KBTBD8: variants seen among roughly 807,000 people sequenced by gnomAD.
The protein encoded by KBTBD8 is kelch repeat and BTB domain containing 8.
KBTBD8 carries 31 observed loss-of-function variants against 53.5 expected under a neutral mutation model. The ratio of observed to expected loss-of-function variants is 0.58; its 90% CI spans 0.44 to 0.78. The LOEUF is 0.78. Among genes scored for constraint, KBTBD8 ranks in the 30% least tolerant of loss-of-function variants. The pLI, the probability that KBTBD8 is intolerant of heterozygous loss-of-function variation, is 0.00. For synonymous variants in KBTBD8, 250 were observed against 247.3 expected (o/e 1.01, Z -0.10); for missense variants, 642 against 735.8 (o/e 0.87, Z 1.48).
chr3:66,999,603 G>A (rs11916080), intron 2 of KBTBD8, among the ~76,000 whole-genome samples: 3,195 of 152,330 alleles, frequency 0.021, 109 homozygotes, highest in African/African-American at 0.073. Flanking sequence ...ATATTGGGCA[G>A]CACAGAAATA....
intron 2 of KBTBD8, among the ~76,000 whole-genome samples, chr3:67,002,512 C>CTTTTTTTTTTTTTTTTTTTTTTTTTTTTT (rs57174511): frequency 1.1e-5 from 1 of 90,368 alleles, no homozygotes. Flanking sequence ...TATAGGTATT[C>CTTTTTTTTTTTTTTTTTTTTTTTTTTTTT]TTTTTTTTTT....
rs62259072 is a variant in KBTBD8 at position 67,007,922 on chromosome 3, G to A, written c.1343G>A (p.Gly448Glu). The A allele has an allele frequency of 6.3e-6, 9 of 1,424,100 alleles. No homozygotes were observed. Among genetic ancestry groups the A allele is most frequent in the South Asian group, 3.0e-5 (2 of 65,896 alleles). The allele number at this position is 1,424,100 out of a possible 1,614,324, so 88.2% of individuals were successfully genotyped here. A position where few individuals can be genotyped will look rare whatever the true frequency, so the allele number is the denominator to read the frequency against. The stretch of plus-strand genomic sequence containing the variant: ...CTTGTTTTCTTTTTTTTTTTTTTAG[G>A]AGAATTTTTTCTCTTCTATGAGCCT... ...EYKEKIYVLQ[G>E]EFFLFYEPQK... Residue 448 changes from glycine (G) to glutamate (E), a missense_variant and splice_region_variant, in exon 4 of 4, where the codon GGA (glycine) becomes GAA (glutamate). Coordinates refer to ENST00000417314, the MANE Select transcript of KBTBD8 (RefSeq NM_032505.3).
At chr3:67,002,606 G>A (rs1015147998) in intron 2 of KBTBD8, among the ~76,000 whole-genome samples, 4 of 140,888 alleles carry the variant, frequency 2.8e-5, no homozygotes, top group East Asian at 2.2e-4. Context: ...GGGTTCAAGC[G>A]ATTCTCCTGC....
chr3:66,998,807 C>G (rs1196074737), intron 1 of KBTBD8, 174 bp from the exon 2 acceptor site: 4 of 621,266 alleles, frequency 6.4e-6, no homozygotes, highest in African/African-American at 3.7e-5. Flanking sequence ...GCTCCGCCCT[C>G]TGTCTCCCAG....
At chr3:67,004,428 C>T in intron 3 of KBTBD8, 119 bp downstream of exon 3, 1 of 925,112 alleles carries the variant, frequency 1.1e-6, no homozygotes, top group East Asian at 2.4e-5. Flanking sequence ...GCTTCCTTAT[C>T]AAACTATTGG....
Position 67,008,453 on chromosome 3 carries a change from G to T in KBTBD8, c.*68G>T, listed in dbSNP as rs1182415025. On this transcript the variant is annotated 3_prime_UTR_variant, in exon 4 of 4. Coordinates refer to ENST00000417314, the MANE Select transcript of KBTBD8 (RefSeq NM_032505.3). Reference sequence around the variant, plus strand: ...GGAAACTTGTCTTTGATACAAAAGAGTGCTGACAGTATTTCAGAAAGCTGA... The same window carrying T: ...GGAAACTTGTCTTTGATACAAAAGATTGCTGACAGTATTTCAGAAAGCTGA... 1 of 1,084,880 alleles carries T rather than the reference G, an allele frequency of 9.2e-7. No homozygotes were observed. Among genetic ancestry groups the T allele is most frequent in the Non-Finnish European group, 1.3e-6 (1 of 752,244 alleles). The allele number at this position is 1,084,880 out of a possible 1,614,324, so 67.2% of individuals were successfully genotyped here.
intron 2 of KBTBD8, among the ~76,000 whole-genome samples, chr3:67,000,809 CATACTTATGTATGCTTACTAAGT>C (rs1559555895): frequency 6.6e-6 from 1 of 151,920 alleles, no homozygotes; most frequent in African/African-American, 2.4e-5. Flanking sequence ...ATTTAAATGT[CATACTTATGTATGCTTACTAAGT>C]ATACTTATTA....
In KBTBD8 at chr3:67,002,512, C is replaced by CTTTTT. The variant is rs57174511; in HGVS notation, c.228-665_228-661dup. Among the ~76,000 whole-genome samples, 469 of 90,352 alleles carry CTTTTT rather than the reference C, an allele frequency of 5.2e-3. 10 individuals are homozygous for CTTTTT. Among genetic ancestry groups the CTTTTT allele is most frequent in the Non-Finnish European group, 5.8e-3 (289 of 50,074 alleles). 59.3% of individuals were successfully genotyped at this position (90,352 alleles called of 152,430 possible). On this transcript the variant is annotated intron_variant, in intron 2 of 3. Transcript: ENST00000417314. ...TCATGTTGATACCTTTATAGGTATT[C>CTTTTT]TTTTTTTTTTTTTTTTTTTTTTGAG...
chr3:66,998,324 T>C lies in KBTBD8; in HGVS notation c.-32T>C. The C allele has an allele frequency of 7.7e-7, 1 of 1,298,240 alleles. No individual in the cohort carries two copies. Among genetic ancestry groups the C allele is most frequent in the Non-Finnish European group, 9.8e-7 (1 of 1,015,314 alleles). 80.4% of individuals were successfully genotyped at this position (1,298,240 alleles called of 1,614,324 possible). A position where few individuals can be genotyped will look rare whatever the true frequency, so the allele number is the denominator to read the frequency against. On this transcript the variant is annotated 5_prime_UTR_variant, in exon 1 of 4. Transcript: ENST00000417314. ...AGAGAAGCGAAATGACATTTCCTTT[T>C]TAAATAGCTGGAGTCGGGGCCCCAT...
rs1702041585 is a variant in KBTBD8, at chr3:67,003,996, C to T, written c.1029C>T (p.Tyr343=). The part of the protein sequence containing the change: ...PDNDIYIAGG[Y]RPSSSEVSID... The stretch of plus-strand genomic sequence containing the variant: ...ATGACATTTACATTGCAGGAGGGTA[C>T]AGGCCAAGCAGCAGTGAGGTCTCCA... Residue 343 remains tyrosine, a synonymous_variant, in exon 3 of 4, where the codon TAC becomes TAT. Transcript: ENST00000417314. The T allele has an allele frequency of 1.2e-6, 2 of 1,613,978 alleles. No homozygotes were observed. Among genetic ancestry groups the T allele is most frequent in the African/African-American group, 2.7e-5 (2 of 74,886 alleles).
At chr3:66,999,618 A>AT (rs756539663) in intron 2 of KBTBD8, among the ~76,000 whole-genome samples, 62 of 152,248 alleles carry the variant, frequency 4.1e-4, no homozygotes, top group Non-Finnish European at 2.8e-4. Flanking sequence ...GAAATACAGC[A>AT]TTTTCATCAT....
chr3:67,001,985 A>C (rs993115555), intron 2 of KBTBD8, among the ~76,000 whole-genome samples: 4 of 152,198 alleles, frequency 2.6e-5, no homozygotes, highest in Non-Finnish European at 4.4e-5. Context: ...AGTGACTAAT[A>C]CTTAAAGAGC....
Position 67,007,963 on chromosome 3 carries a change from G to T in KBTBD8, c.1384G>T (p.Gly462Cys). The change falls in exon 4 of 4, where the codon GGT becomes TGT. Residue 462 changes from glycine to cysteine, a missense_variant. Physicochemically the swap from Gly to Cys is radical, Grantham distance 159. Transcript: ENST00000417314. ...LFYEPQKDYWGFLTPMTVPRI... is the reference protein window; with the variant it reads ...LFYEPQKDYWCFLTPMTVPRI... ...CTATGAGCCTCAAAAAGACTACTGG[G>T]GTTTCTTAACCCCCATGACTGTGCC... is the stretch of plus-strand genomic sequence containing the variant. The T allele has an allele frequency of 1.2e-6, 2 of 1,602,376 alleles. No homozygotes were observed. Among genetic ancestry groups the T allele is most frequent in the South Asian group, 2.2e-5 (2 of 89,338 alleles).
rs765534766 is a variant in KBTBD8 at position 66,999,106 on chromosome 3, T to G, written c.142T>G (p.Leu48Val). ...CAAAACAATGTACGATGAAGGACAG[T>G]TGACAGACATTGTAGTGGAAGTGGA... ...QLKTMYDEGQLTDIVVEVDHG... is the reference protein window; with the variant it reads ...QLKTMYDEGQVTDIVVEVDHG... Residue 48 changes from leucine (L) to valine (V), a missense_variant, in exon 2 of 4, where the codon TTG (leucine) becomes GTG (valine). Physicochemically the swap from Leu to Val is conservative, Grantham distance 32. Transcript: ENST00000417314. 6.2e-7 allele frequency: 1 copy of G among 1,614,212 alleles called. No individual in the cohort carries two copies.
At chr3:66,998,491 G>A (rs1460883974) in intron 1 of KBTBD8, 120 bp downstream of exon 1, 5 of 804,970 alleles carry the variant, frequency 6.2e-6, no homozygotes, top group Middle Eastern at 4.0e-4. Flanking sequence ...GGATGAAGCG[G>A]TGGAGGGGAA....
rs1702005877 is a variant in KBTBD8, at chr3:67,000,317, A to G, written c.227+1126A>G. ...GAAAGAAAAAAAAACTCACATATGC[A>G]GAAGGTATGAAGTTTGGCCTGGTAA... On this transcript the variant is annotated intron_variant, in intron 2 of 3. Transcript: ENST00000417314. Among the ~76,000 whole-genome samples the G allele has an allele frequency of 2.6e-5, 4 of 152,250 alleles. No homozygotes were observed. In the South Asian group the frequency reaches 8.3e-4, roughly 31 times the overall value.
chr3:67,006,105 G>A (rs1702062500), intron 3 of KBTBD8, among the ~76,000 whole-genome samples: 1 of 152,142 alleles, frequency 6.6e-6, no homozygotes, highest in Admixed American at 6.5e-5. Context: ...TTGCTGTCTT[G>A]TGGAAAAATG....
rs758526389 is a variant in KBTBD8, at chr3:66,999,015, T to G, written c.51T>G (p.Ile17Met). Residue 17 changes from isoleucine to methionine, a missense_variant, in exon 2 of 4, where the codon ATT (isoleucine) becomes ATG (methionine). Coordinates refer to ENST00000417314, the MANE Select transcript of KBTBD8 (RefSeq NM_032505.3). ...AGTCTTCCCCAACACCGAATGGGAT[T>G]CCATCTTCAGACCCAGCCAGCGATG... ...LSKSSPTPNG[I>M]PSSDPASDAM... The G allele has an allele frequency of 6.2e-7, 1 of 1,612,786 alleles. No individual in the cohort carries two copies.
chr3:66,999,345 G>A (rs1245448855), intron 2 of KBTBD8, among the ~76,000 whole-genome samples, 154 bp downstream of exon 2: 2 of 152,062 alleles, frequency 1.3e-5, no homozygotes, highest in African/African-American at 4.8e-5. Flanking sequence ...TCTTAACTAA[G>A]ACCTTCTTTT....
Sources: allele counts gnomAD v4.1 joint callset (sites outside exome capture counted in the v4.1 genomes callset), GRCh38; gene constraint gnomAD v4.1.1; transcripts MANE v1.5; gene names NCBI Gene and HGNC (gene_info 2026-07-23, HGNC 2026-07-21).